RNF169: variants seen among roughly 807,000 people sequenced by gnomAD.
RNF169 encodes the protein E3 ubiquitin-protein ligase RNF169.
In RNF169, 24 loss-of-function variants were observed where a neutral mutation model predicts 53.9. The observed-to-expected ratio is 0.45, with a 90% CI of 0.32 to 0.63. RNF169 has a LOEUF of 0.63. RNF169 is among the 20% of genes least tolerant of loss of function. The pLI is 0.04. For missense variants in RNF169, 883 were observed against 906.2 expected (o/e 0.97, Z 0.33); for synonymous variants, 396 against 363.5 (o/e 1.09, Z -1.02).
intron 2 of RNF169, among the ~76,000 whole-genome samples, chr11:74,793,332 A>AG (rs2035605165): frequency 6.6e-6 from 1 of 152,188 alleles, no homozygotes; most frequent in Non-Finnish European, 1.5e-5. Flanking sequence ...GAGCAAAGGA[A>AG]GATAAGTGGA....
chr11:74,826,664 G>A (rs745898680), intron 4 of RNF169, among the ~76,000 whole-genome samples: 1 of 152,220 alleles, frequency 6.6e-6, no homozygotes, highest in Non-Finnish European at 1.5e-5. Flanking sequence ...GATGCAATAA[G>A]GGTATAGGCA....
chr11:74,834,038 T>C (rs1332169500), intron 4 of RNF169, among the ~76,000 whole-genome samples: 6 of 152,244 alleles, frequency 3.9e-5, no homozygotes, highest in Admixed American at 3.9e-4. Context: ...TTATGGTACT[T>C]ACTATGCTAT....
intron 1 of RNF169, among the ~76,000 whole-genome samples, chr11:74,750,548 C>A (rs2034871501): frequency 6.8e-6 from 1 of 148,094 alleles, no homozygotes. Context: ...TTGAGGGGGA[C>A]CTGCATCTTA....
At chr11:74,779,449 A>G (rs566909277) in intron 1 of RNF169, among the ~76,000 whole-genome samples, 68 of 152,292 alleles carry the variant, frequency 4.5e-4, no homozygotes, top group African/African-American at 1.5e-3. Flanking sequence ...TAAACACTCT[A>G]TATTGCCTGT....
intron 2 of RNF169, 51 bp downstream of exon 2, chr11:74,789,750 C>T (rs1258430145): frequency 1.6e-6 from 2 of 1,217,900 alleles, no homozygotes; most frequent in Non-Finnish European, 2.4e-6. Context: ...GAAATAATGA[C>T]ATTAAAGAAT....
intron 1 of RNF169, among the ~76,000 whole-genome samples, chr11:74,770,661 G>A (rs1326875016): frequency 6.6e-6 from 1 of 152,122 alleles, no homozygotes; most frequent in Admixed American, 6.5e-5. Context: ...TGGCTAGTGT[G>A]TTTTCATTAG....
chr11:74,801,823 G>A (rs558929136), intron 2 of RNF169, among the ~76,000 whole-genome samples: 88 of 152,254 alleles, frequency 5.8e-4, no homozygotes, highest in African/African-American at 2.1e-3. Context: ...TGTCTGATTT[G>A]TTAGATTTTT....
intron 4 of RNF169, among the ~76,000 whole-genome samples, chr11:74,822,719 TGG>T (rs2036032059): frequency 6.6e-6 from 1 of 152,220 alleles, no homozygotes; most frequent in African/African-American, 2.4e-5. Context: ...AGTCTCTGTG[TGG>T]ATTAAATGAG....
chr11:74,815,618 A>G (rs1294027804), intron 3 of RNF169, among the ~76,000 whole-genome samples: 2 of 152,230 alleles, frequency 1.3e-5, no homozygotes. Context: ...AAAGATTAAT[A>G]GTTTTGAAGT....
At chr11:74,765,748 G>A (rs1379712895) in intron 1 of RNF169, among the ~76,000 whole-genome samples, 5 of 151,626 alleles carry the variant, frequency 3.3e-5, no homozygotes, top group African/African-American at 4.8e-5. Context: ...GTTACAGTGA[G>A]CTGAGATTGC....
At chr11:74,793,379 G>A (rs1017696084) in intron 2 of RNF169, among the ~76,000 whole-genome samples, 3 of 152,166 alleles carry the variant, frequency 2.0e-5, no homozygotes, top group African/African-American at 7.2e-5. Flanking sequence ...CTAATTTGAT[G>A]TGTGATATGC....
intron 1 of RNF169, among the ~76,000 whole-genome samples, chr11:74,765,067 G>A (rs991917667): frequency 1.3e-5 from 2 of 152,162 alleles, no homozygotes; most frequent in Admixed American, 6.5e-5. Context: ...AAGTTAGCCA[G>A]ATGTGGTGGT....
chr11:74,793,471 A>C (rs747859318), intron 2 of RNF169, among the ~76,000 whole-genome samples: 1 of 152,268 alleles, frequency 6.6e-6, no homozygotes, highest in Non-Finnish European at 1.5e-5. Flanking sequence ...AAAGTTAACA[A>C]GAATTTTTAT....
At chr11:74,807,871 CAAAG>C (rs1256080562) in intron 2 of RNF169, 2 of 152,094 alleles carry the variant, frequency 1.3e-5, no homozygotes, top group South Asian at 4.1e-4. Context: ...GCAATGAAAA[CAAAG>C]AAACAAAAAC....
At chr11:74,761,642 C>T (rs1433007454) in intron 1 of RNF169, among the ~76,000 whole-genome samples, 1 of 152,150 alleles carries the variant, frequency 6.6e-6, no homozygotes, top group African/African-American at 2.4e-5. Context: ...TATTGGCCCC[C>T]ACTCTTTTCT....
At position 74,835,528 on chromosome 11, in the gene RNF169, C is replaced by G. The variant is rs765599315; in HGVS notation, c.943-18C>G. 1.3e-6 allele frequency: 2 copies of G among 1,586,840 alleles called. No individual in the cohort carries two copies. Among genetic ancestry groups the G allele is most frequent in the East Asian group, 2.2e-5 (1 of 44,726 alleles). ...ATGTATGTGTGTATGAAGGCATAATCTTTTTAATCTCTTTCAGGTCACAAC... is the reference window on the plus strand; with the variant it reads ...ATGTATGTGTGTATGAAGGCATAATGTTTTTAATCTCTTTCAGGTCACAAC... On this transcript the variant is annotated intron_variant, in intron 5 of 5. Transcript: ENST00000299563.
At chr11:74,779,739 T>C (rs574862963) in intron 1 of RNF169, among the ~76,000 whole-genome samples, 1 of 152,348 alleles carries the variant, frequency 6.6e-6, no homozygotes, top group South Asian at 2.1e-4. Flanking sequence ...ATTTCTACCT[T>C]ACTACTTTTA....
intron 2 of RNF169, among the ~76,000 whole-genome samples, chr11:74,792,124 G>A (rs565848864): frequency 3.3e-5 from 5 of 152,264 alleles, no homozygotes; most frequent in African/African-American, 1.2e-4. Flanking sequence ...CTGAATCTTC[G>A]TGCTTCATTT....
intron 3 of RNF169, among the ~76,000 whole-genome samples, chr11:74,815,965 G>C (rs1464222280): frequency 2.0e-5 from 3 of 152,116 alleles, no homozygotes; most frequent in African/African-American, 7.2e-5. Flanking sequence ...TTTGATAATG[G>C]GTTGGTGCTA....
Sources: allele counts gnomAD v4.1 joint callset (sites outside exome capture counted in the v4.1 genomes callset), GRCh38; gene constraint gnomAD v4.1.1; transcripts MANE v1.5; gene names NCBI Gene and HGNC (gene_info 2026-07-23, HGNC 2026-07-21).